The following MCTP1 variants were observed in gnomAD, a reference collection of about 807,000 sequenced individuals.
MCTP1 encodes the protein multiple C2 and transmembrane domain containing 1.
In MCTP1, 69 loss-of-function variants were observed where a neutral mutation model predicts 120.6. The ratio of observed to expected loss-of-function variants is 0.57; its 90% CI spans 0.47 to 0.70. MCTP1 has a LOEUF of 0.70. Among genes scored for constraint, MCTP1 ranks in the 30% least tolerant of loss-of-function variants. The pLI is 0.00. For synonymous variants in MCTP1, 529 were observed against 493.1 expected, an observed-to-expected ratio of 1.07 and a Z score of -0.96; for missense variants, 1,203 against 1,248.8, an observed-to-expected ratio of 0.96 and a Z score of 0.55.
intron 12 of MCTP1, among the ~76,000 whole-genome samples, chr5:94,881,383 C>T (rs558224534): frequency 3.7e-4 from 57 of 152,250 alleles, no homozygotes; most frequent in African/African-American, 1.3e-3. Context: ...AAATCCCCTT[C>T]TGATTAAATT....
intron 1 of MCTP1, among the ~76,000 whole-genome samples, chr5:95,176,904 G>A (rs560030232): frequency 1.2e-3 from 176 of 151,156 alleles, no homozygotes; most frequent in African/African-American, 3.9e-3. Flanking sequence ...TTGCTCTGTC[G>A]CCCAGGCTAG....
At chr5:95,081,670 T>G in intron 1 of MCTP1, 1 of 1,317,374 alleles carries the variant, frequency 7.6e-7, no homozygotes, top group East Asian at 2.7e-5. Context: ...CCCGTGATGT[T>G]TAAATAACGT....
Position 94,755,862 on chromosome 5 carries a change from G to A in MCTP1, c.2610+23248C>T, listed in dbSNP as rs115215348. ...AAGTCTCTGCTATAACCTCTTCTTT[G>A]AACTCTAGATTTCTACTTCTACCAT... On this transcript the variant is annotated intron_variant, in intron 19 of 22. Transcript: ENST00000515393. Among the ~76,000 whole-genome samples, 790 of 152,126 alleles carry A rather than the reference G, an allele frequency of 5.2e-3. 8 individuals carry two copies. The highest frequency in any genetic ancestry group is 0.016 in the African/African-American group (665 of 41,486).
intron 19 of MCTP1, among the ~76,000 whole-genome samples, chr5:94,768,035 G>A (rs763930895): frequency 2.6e-5 from 4 of 152,070 alleles, no homozygotes; most frequent in African/African-American, 7.2e-5. Flanking sequence ...TAAACAACAC[G>A]GTATTGGTAT....
chr5:95,223,625 CAA>C (rs1296204464), intron 1 of MCTP1, among the ~76,000 whole-genome samples: 2 of 152,008 alleles, frequency 1.3e-5, no homozygotes, highest in Non-Finnish European at 2.9e-5. Context: ...TAATTACTAA[CAA>C]TAACTCCACA....
intron 1 of MCTP1, among the ~76,000 whole-genome samples, chr5:95,153,909 CT>C (rs1744808521): frequency 6.6e-6 from 1 of 151,976 alleles, no homozygotes; most frequent in South Asian, 2.1e-4. Context: ...CTGTGTTTGT[CT>C]TTCTAAAATC....
intron 1 of MCTP1, among the ~76,000 whole-genome samples, chr5:95,040,251 C>T (rs901136999): frequency 1.3e-5 from 2 of 152,044 alleles, no homozygotes; most frequent in Non-Finnish European, 2.9e-5. Context: ...GCCTGGCCAA[C>T]ATGGTGAAAC....
intron 1 of MCTP1, among the ~76,000 whole-genome samples, chr5:95,087,268 T>A (rs536690481): frequency 2.0e-5 from 3 of 152,196 alleles, no homozygotes; most frequent in Non-Finnish European, 4.4e-5. Flanking sequence ...AGACTGCATC[T>A]AAGAATTAAA....
intron 1 of MCTP1, among the ~76,000 whole-genome samples, chr5:95,129,795 G>A (rs1758904089): frequency 6.6e-6 from 1 of 152,062 alleles, no homozygotes; most frequent in Admixed American, 6.6e-5. Flanking sequence ...CGAGTAGCTG[G>A]GATTACAGGC....
chr5:94,857,787 T>TTTAAATA (rs1794982540), intron 17 of MCTP1, among the ~76,000 whole-genome samples: 1 of 151,706 alleles, frequency 6.6e-6, no homozygotes, highest in Non-Finnish European at 1.5e-5. Context: ...TAGCAAACTA[T>TTTAAATA]ACCTCACATA....
intron 17 of MCTP1, among the ~76,000 whole-genome samples, chr5:94,825,471 A>G (rs1276192951): frequency 6.6e-6 from 1 of 152,128 alleles, no homozygotes; most frequent in African/African-American, 2.4e-5. Context: ...TATGTGGTCA[A>G]TTTTAGAATA....
At chr5:94,950,568 A>C (rs1443859959) in intron 3 of MCTP1, among the ~76,000 whole-genome samples, 1 of 152,186 alleles carries the variant, frequency 6.6e-6, no homozygotes, top group Admixed American at 6.5e-5. Flanking sequence ...ATGTATAGAT[A>C]CATACATATA....
chr5:95,072,987 C>T (rs1373602931), intron 1 of MCTP1, among the ~76,000 whole-genome samples: 2 of 151,960 alleles, frequency 1.3e-5, no homozygotes, highest in Admixed American at 6.6e-5. Context: ...CCTCGTGATC[C>T]GTTCGCCTTG....
intron 1 of MCTP1, among the ~76,000 whole-genome samples, chr5:95,240,859 G>A (rs1424876734): frequency 6.6e-6 from 1 of 151,594 alleles, no homozygotes; most frequent in African/African-American, 2.4e-5. Flanking sequence ...CTTAAATTCT[G>A]ACTAGTTAAA....
chr5:94,953,379 T>C lies in MCTP1; in HGVS notation c.839-18A>G. The C allele has an allele frequency of 1.3e-6, 2 of 1,554,652 alleles. No homozygotes were observed. The highest frequency in any genetic ancestry group is 1.7e-6 in the Non-Finnish European group (2 of 1,149,998). ...ACTCGTCCCTGTTAAATAGATAGAT[T>C]GATCCATGTTAATCATGACTTGGTT... On this transcript the variant is annotated intron_variant, in intron 2 of 22. Transcript: ENST00000515393.
intron 19 of MCTP1, among the ~76,000 whole-genome samples, chr5:94,746,049 A>G (rs1298620880): frequency 6.6e-6 from 1 of 152,212 alleles, no homozygotes; most frequent in Non-Finnish European, 1.5e-5. Context: ...CAAGAAAGTA[A>G]AAAACTTTCC....
chr5:95,232,404 T>C (rs1325751639), intron 1 of MCTP1, among the ~76,000 whole-genome samples: 2 of 151,788 alleles, frequency 1.3e-5, no homozygotes, highest in Admixed American at 6.6e-5. Context: ...AATTGTCAGA[T>C]TGGGTAAAAT....
intron 8 of MCTP1, among the ~76,000 whole-genome samples, 167 bp downstream of exon 8, chr5:94,917,729 G>C (rs1810449141): frequency 6.6e-6 from 1 of 152,150 alleles, no homozygotes; most frequent in African/African-American, 2.4e-5. Context: ...TGTAAAGAAA[G>C]TGTTAGTTAC....
intron 19 of MCTP1, among the ~76,000 whole-genome samples, chr5:94,751,771 A>C (rs569684328): frequency 1.3e-5 from 2 of 152,272 alleles, no homozygotes; most frequent in South Asian, 4.1e-4. Context: ...GGGGAGCTGA[A>C]TCACTTAATG....
Sources: allele counts gnomAD v4.1 joint callset (sites outside exome capture counted in the v4.1 genomes callset), GRCh38; gene constraint gnomAD v4.1.1; transcripts MANE v1.5; gene names NCBI Gene and HGNC (gene_info 2026-07-23, HGNC 2026-07-21).